CSMD1: variants seen among roughly 807,000 people sequenced by gnomAD.
CSMD1 encodes the protein CUB and Sushi multiple domains 1, also known as CUB and sushi domain-containing protein 1.
In CSMD1, 213 loss-of-function variants were observed where a neutral mutation model predicts 417.5. The ratio of observed to expected loss-of-function variants is 0.51; its 90% CI spans 0.46 to 0.57. The LOEUF (loss-of-function observed/expected upper bound fraction) is 0.57. CSMD1 is among the 20% of genes least tolerant of loss of function. The pLI is 0.00. For synonymous variants in CSMD1, 2,862 were observed against 1,736.8 expected (o/e 1.65, Z -16.11); for missense variants, 6,923 against 4,529.7 (o/e 1.53, Z -15.17).
chr8:4,682,708 A>C (rs941968645), intron 1 of CSMD1, among the ~76,000 whole-genome samples: 1 of 151,754 alleles, frequency 6.6e-6, no homozygotes, highest in Non-Finnish European at 1.5e-5. Context: ...ATGATACTCT[A>C]ATTCTATATT....
chr8:4,616,402 A>G (rs1224041382), intron 2 of CSMD1, among the ~76,000 whole-genome samples: 2 of 152,212 alleles, frequency 1.3e-5, no homozygotes, highest in Non-Finnish European at 2.9e-5. Flanking sequence ...CGTGGCCTCC[A>G]ATATTTGGTG....
At chr8:4,905,752 G>T (rs1315188857) in intron 1 of CSMD1, among the ~76,000 whole-genome samples, 1 of 149,974 alleles carries the variant, frequency 6.7e-6, no homozygotes, top group South Asian at 2.1e-4. Flanking sequence ...ACCGGGAGGC[G>T]GAGCTTGCAG....
At chr8:4,865,427 G>A (rs1802369898) in intron 1 of CSMD1, among the ~76,000 whole-genome samples, 1 of 151,630 alleles carries the variant, frequency 6.6e-6, no homozygotes, top group Non-Finnish European at 1.5e-5. Flanking sequence ...TCAATAGGTT[G>A]TCATTTTCTT....
chr8:4,148,734 T>A (rs1158652682), intron 3 of CSMD1, among the ~76,000 whole-genome samples: 1 of 152,080 alleles, frequency 6.6e-6, no homozygotes, highest in Non-Finnish European at 1.5e-5. Context: ...ATCACCTCCT[T>A]GCCTCCTAAA....
intron 3 of CSMD1, among the ~76,000 whole-genome samples, chr8:4,181,910 G>A (rs1445200268): frequency 6.6e-6 from 1 of 151,854 alleles, no homozygotes. Context: ...ACAAAGGCAG[G>A]ACAAGTACTT....
rs35818830 is a variant in CSMD1, at chr8:4,528,781, T to TTC, written c.302+108559_302+108560dup. Among the ~76,000 whole-genome samples, 334 of 149,408 alleles carry TTC rather than the reference T, an allele frequency of 2.2e-3. 1 individual carries two copies. Among genetic ancestry groups the TTC allele is most frequent in the African/African-American group, 6.2e-3 (251 of 40,740 alleles). ...CTGAATTTTCACATAAGAGCTCACT[T>TTC]TCTCTCTCTCTCTCTCTCTCTCTCA... On this transcript the variant is annotated intron_variant, in intron 2 of 69. Coordinates refer to ENST00000635120, the MANE Select transcript of CSMD1 (RefSeq NM_033225.6).
At chr8:3,653,258 TAA>T (rs1455135644) in intron 7 of CSMD1, among the ~76,000 whole-genome samples, 1 of 152,160 alleles carries the variant, frequency 6.6e-6, no homozygotes, top group Non-Finnish European at 1.5e-5. Flanking sequence ...ATCAAATAGA[TAA>T]GTTAGGGATG....
chr8:4,877,879 G>C (rs75690861), intron 1 of CSMD1, among the ~76,000 whole-genome samples: 2 of 152,130 alleles, frequency 1.3e-5, no homozygotes, highest in African/African-American at 2.4e-5. Flanking sequence ...ACCCAGTGTA[G>C]CATCAAGGAA....
chr8:3,687,579 G>C (rs766763873), intron 7 of CSMD1, among the ~76,000 whole-genome samples: 3 of 152,140 alleles, frequency 2.0e-5, no homozygotes, highest in African/African-American at 4.8e-5. Flanking sequence ...CAGTTTCAAT[G>C]AACTGCTCTT....
At chr8:4,790,586 A>C (rs997443137) in intron 1 of CSMD1, among the ~76,000 whole-genome samples, 12 of 152,198 alleles carry the variant, frequency 7.9e-5, no homozygotes, top group Admixed American at 5.9e-4. Context: ...AAGCTATACA[A>C]CCAAGCTACA....
chr8:4,637,294 T>C, intron 2 of CSMD1, 48 bp downstream of exon 2: 1 of 1,400,962 alleles, frequency 7.1e-7, no homozygotes, highest in Non-Finnish European at 1.0e-6. Context: ...TTTCATAATC[T>C]GTGTATTCAA....
intron 8 of CSMD1, among the ~76,000 whole-genome samples, chr8:3,602,720 CA>C (rs1801421919): frequency 1.2e-5 from 1 of 82,664 alleles, no homozygotes; most frequent in African/African-American, 4.3e-5. Context: ...AAGAATTACA[CA>C]CACACACACA....
chr8:3,643,576 C>T (rs912114894), intron 7 of CSMD1, among the ~76,000 whole-genome samples: 3 of 151,980 alleles, frequency 2.0e-5, no homozygotes, highest in African/African-American at 7.3e-5. Flanking sequence ...TGGCGGGCGC[C>T]TGTAGTCCCA....
chr8:3,000,025 A>G lies in CSMD1; in HGVS notation c.8136T>C (p.Leu2712=), dbSNP rs191222668. The G allele has an allele frequency of 5.7e-5, 92 of 1,607,454 alleles. No individual in the cohort carries two copies. In the East Asian group the frequency reaches 1.8e-3, roughly 32 times the overall value. Residue 2712 remains leucine (L), a synonymous_variant, in exon 53 of 70, where the codon CTT becomes CTC. Coordinates refer to ENST00000635120, the MANE Select transcript of CSMD1 (RefSeq NM_033225.6). ...VVYQCNPGFR[L]VGTSVRICLQ... ...GGCATATCCTCACGGAAGTTCCCAC[A>G]AGCCGGAAACCAGGATTGCACTGGT...
At chr8:4,781,003 T>A (rs1797125558) in intron 1 of CSMD1, among the ~76,000 whole-genome samples, 1 of 152,202 alleles carries the variant, frequency 6.6e-6, no homozygotes, top group African/African-American at 2.4e-5. Flanking sequence ...TGTCTTACCT[T>A]AAATAGGGTA....
intron 7 of CSMD1, among the ~76,000 whole-genome samples, chr8:3,702,601 C>T (rs1001705901): frequency 6.6e-6 from 1 of 152,176 alleles, no homozygotes; most frequent in Admixed American, 6.5e-5. Flanking sequence ...GAGGCCGAGG[C>T]AGGCAGATCG....
At chr8:4,911,800 A>G (rs1011933129) in intron 1 of CSMD1, among the ~76,000 whole-genome samples, 3 of 152,158 alleles carry the variant, frequency 2.0e-5, no homozygotes, top group South Asian at 4.1e-4. Context: ...TCACTTCTAG[A>G]TTGGAGTTGC....
chr8:4,305,838 C>T (rs1010932943), intron 3 of CSMD1, among the ~76,000 whole-genome samples: 4 of 152,054 alleles, frequency 2.6e-5, no homozygotes, highest in Non-Finnish European at 4.4e-5. Context: ...TGTAACTTGC[C>T]GATCTTGTAT....
At chr8:4,909,278 T>C (rs1805504318) in intron 1 of CSMD1, among the ~76,000 whole-genome samples, 1 of 152,028 alleles carries the variant, frequency 6.6e-6, no homozygotes, top group Admixed American at 6.6e-5. Flanking sequence ...TGATCCTGTG[T>C]TTCAGGGCTA....
Sources: gnomAD v4.1 joint callset for allele counts (sites outside exome capture counted in the v4.1 genomes callset) on GRCh38, gnomAD v4.1.1 for gene constraint, MANE v1.5 for transcripts, NCBI Gene and HGNC (gene_info 2026-07-23, HGNC 2026-07-21) for gene names.